The following CDK14 variants were observed in gnomAD, a reference collection of about 807,000 sequenced individuals.
The protein encoded by CDK14 is cyclin-dependent kinase 14.
In CDK14, 34 loss-of-function variants were observed where a neutral mutation model predicts 60.7. The observed-to-expected ratio is 0.56, with a 90% CI of 0.43 to 0.75. The LOEUF (loss-of-function observed/expected upper bound fraction) is 0.75. CDK14 is among the 30% of genes least tolerant of loss of function. The pLI, the probability that CDK14 is intolerant of heterozygous loss-of-function variation, is 0.00. For missense variants in CDK14, 482 were observed against 564.1 expected (o/e 0.85, Z 1.47); for synonymous variants, 197 against 203.7 (o/e 0.97, Z 0.28).
intron 4 of CDK14, among the ~76,000 whole-genome samples, chr7:90,769,155 T>C (rs978290991): frequency 2.0e-5 from 3 of 152,222 alleles, no homozygotes; most frequent in African/African-American, 7.2e-5. Flanking sequence ...GCCAAAGTCC[T>C]ATTTATTTTC....
chr7:91,091,327 A>C (rs576273683), intron 12 of CDK14, among the ~76,000 whole-genome samples: 2 of 143,912 alleles, frequency 1.4e-5, no homozygotes, highest in South Asian at 4.2e-4. Context: ...ATGTATACAC[A>C]TATGTGTATA....
At chr7:90,664,190 G>C (rs1221564203) in intron 2 of CDK14, among the ~76,000 whole-genome samples, 1 of 152,216 alleles carries the variant, frequency 6.6e-6, no homozygotes, top group Non-Finnish European at 1.5e-5. Context: ...ATGAAAAAAT[G>C]CTCATCATCA....
intron 8 of CDK14, among the ~76,000 whole-genome samples, chr7:90,947,181 C>T (rs568588240): frequency 6.6e-6 from 1 of 152,332 alleles, no homozygotes; most frequent in African/African-American, 2.4e-5. Context: ...TTTTCCAGAA[C>T]AACCAGCCTG....
intron 6 of CDK14, among the ~76,000 whole-genome samples, chr7:90,889,664 T>A (rs1792054287): frequency 6.6e-6 from 1 of 152,238 alleles, no homozygotes; most frequent in Non-Finnish European, 1.5e-5. Flanking sequence ...ATAACTACTT[T>A]TACCCTCTTT....
intron 12 of CDK14, among the ~76,000 whole-genome samples, chr7:91,083,672 A>G (rs1053338253): frequency 6.6e-6 from 1 of 152,346 alleles, no homozygotes; most frequent in East Asian, 1.9e-4. Context: ...AATAGAAAGC[A>G]GCTCTTCTAG....
intron 2 of CDK14, among the ~76,000 whole-genome samples, chr7:90,629,272 A>G (rs1799942710): frequency 6.6e-6 from 1 of 152,116 alleles, no homozygotes; most frequent in Non-Finnish European, 1.5e-5. Context: ...ATGCCACCCC[A>G]CCATCTAAAT....
At chr7:90,839,885 C>T (rs546789331) in intron 5 of CDK14, among the ~76,000 whole-genome samples, 1 of 152,228 alleles carries the variant, frequency 6.6e-6, no homozygotes, top group Non-Finnish European at 1.5e-5. Flanking sequence ...CTCATGCCTC[C>T]ATCCTGTACT....
chr7:91,183,534 A>C (rs1188906868), intron 14 of CDK14, among the ~76,000 whole-genome samples: 2 of 152,236 alleles, frequency 1.3e-5, no homozygotes, highest in South Asian at 4.1e-4. Flanking sequence ...TCATGCCAAT[A>C]TATTTCTGTA....
At chr7:90,875,677 T>C (rs1243278794) in intron 6 of CDK14, among the ~76,000 whole-genome samples, 1 of 152,100 alleles carries the variant, frequency 6.6e-6, no homozygotes, top group Non-Finnish European at 1.5e-5. Flanking sequence ...CTTTATTTTC[T>C]CCTTTCTCTA....
chr7:90,992,076 A>C lies in CDK14; in HGVS notation c.1041+7835A>C, dbSNP rs1391678554. On this transcript the variant is annotated intron_variant, in intron 10 of 14. Coordinates refer to ENST00000380050, the MANE Select transcript of CDK14 (RefSeq NM_001287135.2). ...TGAGTGGTTCATGTGTGGAGACATT[A>C]GATGGATGTTCTAATAAAGAAAGTT... Among the ~76,000 whole-genome samples, 7 of 152,382 alleles carry C rather than the reference A, an allele frequency of 4.6e-5. No individual in the cohort carries two copies. The East Asian group carries it at 9.6e-4, about 21-fold the overall frequency.
At chr7:90,830,019 T>C (rs1789864081) in intron 5 of CDK14, among the ~76,000 whole-genome samples, 1 of 152,158 alleles carries the variant, frequency 6.6e-6, no homozygotes, top group African/African-American at 2.4e-5. Flanking sequence ...AGGCCTTTGG[T>C]GCAAGCTGTT....
intron 2 of CDK14, among the ~76,000 whole-genome samples, chr7:90,704,792 A>G (rs1015111407): frequency 6.6e-6 from 1 of 152,180 alleles, no homozygotes; most frequent in African/African-American, 2.4e-5. Flanking sequence ...TCAGTTTAAC[A>G]GATTCCTCCA....
chr7:91,068,036 T>A lies in CDK14; in HGVS notation c.1106-11396T>A, dbSNP rs568386425. On this transcript the variant is annotated intron_variant, in intron 11 of 14. Transcript: ENST00000380050. ...TTTAAAATGTCTCTTGCTTTCTTAATACCAAACTTTAGATAATTTTTTAAA... is the reference window on the plus strand; with the variant it reads ...TTTAAAATGTCTCTTGCTTTCTTAAAACCAAACTTTAGATAATTTTTTAAA... 6.6e-5 allele frequency among the ~76,000 whole-genome samples: 10 copies of A among 152,346 alleles called. No individual in the cohort carries two copies. In the East Asian group the frequency reaches 1.9e-3, roughly 29 times the overall value.
chr7:90,774,465 T>C (rs1031437410), intron 4 of CDK14, among the ~76,000 whole-genome samples: 2 of 152,210 alleles, frequency 1.3e-5, no homozygotes, highest in Non-Finnish European at 2.9e-5. Context: ...CATATAGCAT[T>C]GTTCTCTAAT....
intron 10 of CDK14, among the ~76,000 whole-genome samples, chr7:91,013,157 T>A (rs1796209173): frequency 6.6e-6 from 1 of 152,248 alleles, no homozygotes; most frequent in African/African-American, 2.4e-5. Flanking sequence ...TAGGTTTACA[T>A]AGTAAACTGA....
rs1790978224 is a variant in CDK14, at chr7:90,860,591, TCTC to T, written c.545-2583_545-2581del. Among the ~76,000 whole-genome samples, 4 of 150,438 alleles carry T rather than the reference TCTC, an allele frequency of 2.7e-5. No homozygotes were observed. In the South Asian group the frequency reaches 8.4e-4, roughly 32 times the overall value. On this transcript the variant is annotated intron_variant, in intron 5 of 14. Transcript: ENST00000380050. ...GCCAGGCTGGACTGCAGTGGTGTGA[TCTC>T]AGCTCACTGCAACCTCCACCTCCCA... is the stretch of plus-strand genomic sequence containing the variant.
At chr7:91,114,230 A>G (rs374797538) in intron 13 of CDK14, among the ~76,000 whole-genome samples, 2 of 152,284 alleles carry the variant, frequency 1.3e-5, no homozygotes, top group East Asian at 1.9e-4. Context: ...TTGATGGTCT[A>G]TGAATTCTGA....
chr7:90,834,968 A>T (rs773190804), intron 5 of CDK14, among the ~76,000 whole-genome samples: 22 of 152,172 alleles, frequency 1.4e-4, no homozygotes, highest in Non-Finnish European at 2.8e-4. Flanking sequence ...ACAGAAATAG[A>T]TGAGATTATC....
chr7:90,895,815 A>T lies in CDK14; in HGVS notation c.640-3476A>T, dbSNP rs188657959. Among the ~76,000 whole-genome samples the T allele has an allele frequency of 2.6e-3, 375 of 142,222 alleles. 1 individual carries two copies. Among genetic ancestry groups the T allele is most frequent in the Non-Finnish European group, 4.6e-3 (309 of 66,584 alleles). The allele number at this position is 142,222 out of a possible 152,430, so 93.3% of individuals were successfully genotyped here. On this transcript the variant is annotated intron_variant, in intron 6 of 14. Coordinates refer to ENST00000380050, the MANE Select transcript of CDK14 (RefSeq NM_001287135.2). The stretch of plus-strand genomic sequence containing the variant: ...GGTCTTGAACTTCTGACCTCAAGTG[A>T]TCCGCCTGCCTCAGCCTCCCAAAGT...
Sources: allele counts gnomAD v4.1 joint callset (sites outside exome capture counted in the v4.1 genomes callset), GRCh38; gene constraint gnomAD v4.1.1; transcripts MANE v1.5; gene names NCBI Gene and HGNC (gene_info 2026-07-23, HGNC 2026-07-21).